Variants in PLXNA4 observed in about 807,000 individuals in gnomAD.
The protein encoded by PLXNA4 is plexin-A4.
Under a neutral mutation model 191.8 loss-of-function variants are expected in PLXNA4, and 44 were observed. The ratio of observed to expected loss-of-function variants is 0.23; its 90% CI spans 0.18 to 0.29. The LOEUF is 0.29. Among genes scored for constraint, PLXNA4 ranks in the 10% least tolerant of loss-of-function variants. The probability of loss-of-function intolerance (pLI) is 1.00; values close to 1 mark genes in which losing one functional copy is unlikely to be tolerated. For missense variants in PLXNA4, 1,800 were observed against 2,488.8 expected (o/e 0.72, Z 5.89); for synonymous variants, 1,082 against 1,009.5 (o/e 1.07, Z -1.36).
intron 2 of PLXNA4, among the ~76,000 whole-genome samples, chr7:132,625,593 C>T (rs1803354509): frequency 6.6e-6 from 1 of 152,162 alleles, no homozygotes; most frequent in Admixed American, 6.5e-5. Flanking sequence ...TAGGCAGTTA[C>T]AGGCCTGAGA....
intron 9 of PLXNA4, among the ~76,000 whole-genome samples, chr7:132,216,119 T>C (rs1202034238): frequency 6.6e-6 from 1 of 152,130 alleles, no homozygotes; most frequent in Non-Finnish European, 1.5e-5. Flanking sequence ...TCTGGGCAGG[T>C]AGTGTCAGAA....
chr7:132,239,320 C>G (rs1798803919), intron 5 of PLXNA4, among the ~76,000 whole-genome samples: 1 of 152,192 alleles, frequency 6.6e-6, no homozygotes, highest in African/African-American at 2.4e-5. Flanking sequence ...GGTGCCTTCT[C>G]CAAGCCTTGG....
At chr7:132,377,438 A>G (rs1429032912) in intron 3 of PLXNA4, among the ~76,000 whole-genome samples, 14 of 150,752 alleles carry the variant, frequency 9.3e-5, no homozygotes, top group Admixed American at 9.2e-4. Flanking sequence ...AAAAAAAAAA[A>G]GAAAACAAAA....
intron 3 of PLXNA4, among the ~76,000 whole-genome samples, chr7:132,331,254 G>A (rs1802579592): frequency 6.6e-6 from 1 of 152,256 alleles, no homozygotes; most frequent in East Asian, 1.9e-4. Flanking sequence ...GGATATGGGA[G>A]CATCTCCCTG....
Position 132,125,015 on chromosome 7 carries a change from TG to T in PLXNA4, c.*5463del, listed in dbSNP as rs1367141606. On this transcript the variant is annotated 3_prime_UTR_variant, in exon 32 of 32. Coordinates refer to ENST00000321063, the MANE Select transcript of PLXNA4 (RefSeq NM_020911.2). ...TACTCCCTCTAATAAAATAATTTTA[TG>T]GGGGAGCAAAAATTTGTAGTAAAAA... 1 of 151,806 alleles carries T rather than the reference TG, an allele frequency of 6.6e-6. No individual in the cohort carries two copies. The highest frequency in any genetic ancestry group is 2.4e-5 in the African/African-American group (1 of 41,302). The allele number at this position is 151,806 out of a possible 1,614,324, so 9.4% of individuals were successfully genotyped here.
chr7:132,634,616 T>A (rs1207759228), intron 2 of PLXNA4, among the ~76,000 whole-genome samples: 2 of 152,224 alleles, frequency 1.3e-5, no homozygotes, highest in African/African-American at 4.8e-5. Flanking sequence ...TTGCACATGC[T>A]GTTCTCTCTG....
chr7:132,344,347 C>T (rs1424592), intron 3 of PLXNA4, among the ~76,000 whole-genome samples: 151,757 of 152,330 alleles, frequency 1, 75,594 homozygotes, highest in Middle Eastern at 1. Flanking sequence ...TTAAGGACTA[C>T]TGAAATTTGG....
In PLXNA4 at chr7:132,227,439, C is replaced by T. The variant is rs766418108; in HGVS notation, c.1882+12G>A. 37 of 1,613,914 alleles carry T rather than the reference C, an allele frequency of 2.3e-5. No homozygotes were observed. Among genetic ancestry groups the T allele is most frequent in the Admixed American group, 1.0e-4 (6 of 59,980 alleles). The stretch of plus-strand genomic sequence containing the variant: ...AAGAAGTGCCACTCAGCTGTGCCTC[C>T]GGGATGCTCACCATTCTCTGTGATG... On this transcript the variant is annotated intron_variant, in intron 7 of 31. Coordinates refer to ENST00000321063, the MANE Select transcript of PLXNA4 (RefSeq NM_020911.2).
chr7:132,235,899 A>G (rs1584882456), intron 5 of PLXNA4, among the ~76,000 whole-genome samples: 1 of 152,302 alleles, frequency 6.6e-6, no homozygotes, highest in East Asian at 1.9e-4. Context: ...CCTTCACCCA[A>G]GTCAGAATGA....
chr7:132,366,515 T>C (rs561276557), intron 3 of PLXNA4, among the ~76,000 whole-genome samples: 121 of 151,998 alleles, frequency 8.0e-4, no homozygotes, highest in African/African-American at 2.8e-3. Context: ...CAGAGCAAGA[T>C]TCTGTCTCAA....
intron 3 of PLXNA4, among the ~76,000 whole-genome samples, chr7:132,336,111 T>C (rs1417584214): frequency 2.6e-5 from 4 of 152,224 alleles, no homozygotes; most frequent in Non-Finnish European, 5.9e-5. Context: ...AGGCCCCAGC[T>C]GAGAAGAATA....
chr7:132,393,193 C>G (rs886925312), intron 3 of PLXNA4, among the ~76,000 whole-genome samples: 4 of 136,334 alleles, frequency 2.9e-5, no homozygotes, highest in African/African-American at 5.7e-5. Flanking sequence ...CCCCAACACC[C>G]CCCCCCACCA....
chr7:132,202,282 C>T lies in PLXNA4; in HGVS notation c.2586+364G>A, dbSNP rs112874565. Among the ~76,000 whole-genome samples the T allele has an allele frequency of 6.6e-5, 10 of 152,282 alleles. 1 individual carries two copies. The highest frequency in any genetic ancestry group is 2.1e-4 in the South Asian group (1 of 4,820). On this transcript the variant is annotated intron_variant, in intron 12 of 31. Coordinates refer to ENST00000321063, the MANE Select transcript of PLXNA4 (RefSeq NM_020911.2). ...CCAACACCCATGCCACCTCCAATCA[C>T]GGGTTGACACTTGGTGAGGATGCCA...
At chr7:132,256,700 A>G (rs1475836779) in intron 4 of PLXNA4, among the ~76,000 whole-genome samples, 1 of 152,166 alleles carries the variant, frequency 6.6e-6, no homozygotes, top group Non-Finnish European at 1.5e-5. Context: ...GGAGCTGGGC[A>G]TCTGTATTTT....
chr7:132,298,193 G>A lies in PLXNA4; in HGVS notation c.1401C>T (p.Ala467=), dbSNP rs1801175577. 6.2e-7 allele frequency: 1 copy of A among 1,614,072 alleles called. No individual in the cohort carries two copies. Among genetic ancestry groups the A allele is most frequent in the South Asian group, 1.1e-5 (1 of 91,072 alleles). ...CCACCTGCACCGTCTCATACTGGAG[G>A]GCGTTGCCCCTGGGTCCATCCACCC... ...KIRVDGPRGN[A]LQYETVQVVD... The change falls in exon 4 of 32, where the codon GCC becomes GCT. Residue 467 remains alanine (A), a synonymous_variant. Coordinates refer to ENST00000321063, the MANE Select transcript of PLXNA4 (RefSeq NM_020911.2).
intron 3 of PLXNA4, among the ~76,000 whole-genome samples, chr7:132,457,414 C>T (rs576730992): frequency 1.3e-5 from 2 of 152,310 alleles, no homozygotes; most frequent in South Asian, 4.1e-4. Context: ...CCATTGCATC[C>T]ATCAACCTTC....
intron 3 of PLXNA4, among the ~76,000 whole-genome samples, chr7:132,335,281 T>C (rs1210220289): frequency 6.6e-6 from 1 of 152,230 alleles, no homozygotes; most frequent in Non-Finnish European, 1.5e-5. Flanking sequence ...ATGAACATTT[T>C]GATTCTGGAG....
upstream of PLXNA4, among the ~76,000 whole-genome samples, chr7:132,580,923 C>T (rs1423035557): frequency 2.6e-5 from 4 of 152,136 alleles, no homozygotes; most frequent in Non-Finnish European, 5.9e-5. Context: ...GCAGGAATAT[C>T]ATCAGTATCC....
At chr7:132,147,411 T>A (rs1187739476) in intron 27 of PLXNA4, among the ~76,000 whole-genome samples, 1 of 152,136 alleles carries the variant, frequency 6.6e-6, no homozygotes, top group Non-Finnish European at 1.5e-5. Context: ...AGCACACAGA[T>A]AGGGCAGAAC....
Sources: allele counts gnomAD v4.1 joint callset (sites outside exome capture counted in the v4.1 genomes callset), GRCh38; gene constraint gnomAD v4.1.1; transcripts MANE v1.5; gene names NCBI Gene and HGNC (gene_info 2026-07-23, HGNC 2026-07-21).